The following CCSER1 variants were observed in gnomAD, a reference collection of about 807,000 sequenced individuals.
CCSER1 encodes the protein serine-rich coiled-coil domain-containing protein 1.
Under a neutral mutation model 82.0 loss-of-function variants are expected in CCSER1, and 41 were observed. The observed-to-expected ratio is 0.50, with a 90% CI of 0.39 to 0.65. The LOEUF (loss-of-function observed/expected upper bound fraction) is 0.65, where lower values mean the gene tolerates loss of function less well. Among genes scored for constraint, CCSER1 ranks in the 30% least tolerant of loss-of-function variants. The probability of loss-of-function intolerance (pLI) is 0.00; values close to 1 mark genes in which losing one functional copy is unlikely to be tolerated. For synonymous variants in CCSER1, 414 were observed against 383.9 expected (o/e 1.08, Z -0.92); for missense variants, 1,119 against 1,064.2 (o/e 1.05, Z -0.72).
chr4:90,534,439 TTTTGTGTG>T, intron 5 of CCSER1, among the ~76,000 whole-genome samples: 1 of 129,866 alleles, frequency 7.7e-6, no homozygotes, highest in East Asian at 2.2e-4. Flanking sequence ...TGTGCCAGCC[TTTTGTGTG>T]TGTGTGTGTG....
chr4:90,417,421 T>C (rs1047711122), intron 4 of CCSER1, among the ~76,000 whole-genome samples: 9 of 152,062 alleles, frequency 5.9e-5, no homozygotes, highest in Non-Finnish European at 1.3e-4. Context: ...ATTATGGCTG[T>C]TACTTTGTAT....
In CCSER1 at chr4:91,535,166, AC is replaced by A. The variant is rs1466040388; in HGVS notation, c.2218-63405del. Among the ~76,000 whole-genome samples the A allele has an allele frequency of 4.6e-5, 7 of 152,146 alleles. No homozygotes were observed. The East Asian group carries it at 1.4e-3, about 29-fold the overall frequency. ...TATTAATAACTAATTTATAACCAAA[AC>A]AATTTGTATCTGAAATAAGTTATTG... On this transcript the variant is annotated intron_variant, in intron 10 of 10. Coordinates refer to ENST00000509176, the MANE Select transcript of CCSER1 (RefSeq NM_001145065.2).
intron 10 of CCSER1, among the ~76,000 whole-genome samples, chr4:91,514,413 G>T (rs1288874300): frequency 6.6e-6 from 1 of 152,140 alleles, no homozygotes; most frequent in African/African-American, 2.4e-5. Context: ...GTGCAGATGA[G>T]AAGAATGAAT....
intron 6 of CCSER1, among the ~76,000 whole-genome samples, chr4:90,685,111 A>C (rs1032886957): frequency 1.3e-5 from 2 of 152,146 alleles, no homozygotes; most frequent in African/African-American, 2.4e-5. Context: ...GAAAACCTCA[A>C]CTTCTAGGGT....
chr4:91,426,382 T>C (rs1440740529), intron 10 of CCSER1, among the ~76,000 whole-genome samples: 4 of 152,212 alleles, frequency 2.6e-5, no homozygotes, highest in Non-Finnish European at 5.9e-5. Flanking sequence ...GATTGATTTA[T>C]AATCCTTTGA....
chr4:90,450,742 G>A (rs1424158782), intron 4 of CCSER1, among the ~76,000 whole-genome samples: 1 of 152,210 alleles, frequency 6.6e-6, no homozygotes, highest in East Asian at 1.9e-4. Context: ...GGACTAGAGA[G>A]AGAGAAAGGG....
chr4:91,128,057 T>G (rs1727666849), intron 10 of CCSER1, among the ~76,000 whole-genome samples: 1 of 152,052 alleles, frequency 6.6e-6, no homozygotes, highest in African/African-American at 2.4e-5. Context: ...GTCCTGCTGC[T>G]GCTCCCCCAC....
At chr4:91,043,132 G>GA (rs1742116895) in intron 9 of CCSER1, among the ~76,000 whole-genome samples, 1 of 150,578 alleles carries the variant, frequency 6.6e-6, no homozygotes, top group Admixed American at 6.6e-5. Context: ...CGAACAAAGA[G>GA]AAAAAAACAA....
At chr4:91,570,361 T>G (rs1165522069) in intron 10 of CCSER1, among the ~76,000 whole-genome samples, 1 of 152,174 alleles carries the variant, frequency 6.6e-6, no homozygotes, top group Non-Finnish European at 1.5e-5. Context: ...GGACTCTATG[T>G]GGGGGCTCTA....
chr4:91,391,053 C>T (rs1184357632), intron 10 of CCSER1, among the ~76,000 whole-genome samples: 2 of 151,404 alleles, frequency 1.3e-5, no homozygotes, highest in Non-Finnish European at 2.9e-5. Context: ...TCTCTATTTC[C>T]TGTTTTAAGT....
intron 10 of CCSER1, among the ~76,000 whole-genome samples, chr4:91,520,899 T>C (rs1482632635): frequency 1.3e-5 from 2 of 152,190 alleles, no homozygotes; most frequent in Non-Finnish European, 2.9e-5. Context: ...TTCATTTTTT[T>C]ATTATACTTT....
chr4:91,380,993 C>T (rs1374419991), intron 10 of CCSER1, among the ~76,000 whole-genome samples: 1 of 152,088 alleles, frequency 6.6e-6, no homozygotes, highest in Non-Finnish European at 1.5e-5. Flanking sequence ...TTTTATTTCT[C>T]CTTCACTGAT....
At chr4:90,706,454 A>G (rs1391709353) in intron 6 of CCSER1, among the ~76,000 whole-genome samples, 1 of 152,154 alleles carries the variant, frequency 6.6e-6, no homozygotes, top group African/African-American at 2.4e-5. Context: ...TAAAAAGTCA[A>G]TTAATTAATT....
At chr4:90,794,869 G>A (rs1386704783) in intron 7 of CCSER1, among the ~76,000 whole-genome samples, 2 of 152,078 alleles carry the variant, frequency 1.3e-5, no homozygotes. Flanking sequence ...AGTTCTCTTT[G>A]TAGAGGTCTT....
intron 8 of CCSER1, among the ~76,000 whole-genome samples, chr4:90,860,404 G>A (rs1053427433): frequency 9.9e-5 from 15 of 151,454 alleles, no homozygotes; most frequent in African/African-American, 3.6e-4. Context: ...TTTGCTGTTG[G>A]GGATGAAAAT....
At chr4:91,375,752 A>T (rs1461380560) in intron 10 of CCSER1, among the ~76,000 whole-genome samples, 2 of 152,128 alleles carry the variant, frequency 1.3e-5, no homozygotes, top group Non-Finnish European at 2.9e-5. Context: ...AGAAAGACTT[A>T]TTTCAACAAA....
chr4:90,932,343 AT>A (rs1280926429), intron 9 of CCSER1, among the ~76,000 whole-genome samples: 1 of 152,166 alleles, frequency 6.6e-6, no homozygotes, highest in African/African-American at 2.4e-5. Flanking sequence ...AATTTAAACT[AT>A]CACATTAGAG....
At chr4:91,322,691 CA>C (rs1442454796) in intron 10 of CCSER1, among the ~76,000 whole-genome samples, 2 of 152,044 alleles carry the variant, frequency 1.3e-5, no homozygotes, top group Non-Finnish European at 2.9e-5. Flanking sequence ...TGTGTCTAAC[CA>C]TTATTCACAA....
chr4:91,028,142 A>G (rs1740655474), intron 9 of CCSER1, among the ~76,000 whole-genome samples: 1 of 151,998 alleles, frequency 6.6e-6, no homozygotes, highest in Non-Finnish European at 1.5e-5. Context: ...TCCAAAATTT[A>G]TATGTAGTAT....
Sources: allele counts gnomAD v4.1 joint callset (sites outside exome capture counted in the v4.1 genomes callset), GRCh38; gene constraint gnomAD v4.1.1; transcripts MANE v1.5; gene names NCBI Gene and HGNC (gene_info 2026-07-23, HGNC 2026-07-21).